MARCHF11: variants seen among roughly 807,000 people sequenced by gnomAD.
MARCHF11 encodes the protein E3 ubiquitin-protein ligase MARCHF11.
MARCHF11 carries 29 observed loss-of-function variants against 37.3 expected under a neutral mutation model. The observed-to-expected ratio is 0.78, with a 90% CI of 0.58 to 1.06. The LOEUF is 1.06. Among genes scored for constraint, MARCHF11 ranks in the 50% least tolerant of loss-of-function variants. The pLI, the probability that MARCHF11 is intolerant of heterozygous loss-of-function variation, is 0.00. For synonymous variants in MARCHF11, 233 were observed against 228.0 expected (o/e 1.02, Z -0.20); for missense variants, 482 against 533.4 (o/e 0.90, Z 0.95).
At chr5:16,099,371 G>C (rs954283305) in intron 2 of MARCHF11, among the ~76,000 whole-genome samples, 4 of 152,056 alleles carry the variant, frequency 2.6e-5, no homozygotes, top group African/African-American at 9.6e-5. Context: ...GGAGAAAAAG[G>C]GTTCCTCAAC....
chr5:16,105,260 G>A (rs180965791), intron 2 of MARCHF11, among the ~76,000 whole-genome samples: 2 of 152,346 alleles, frequency 1.3e-5, no homozygotes, highest in East Asian at 3.9e-4. Flanking sequence ...TCTCTTATGT[G>A]AGATTTGGCA....
At chr5:16,131,310 T>C (rs1737510696) in intron 2 of MARCHF11, among the ~76,000 whole-genome samples, 1 of 152,150 alleles carries the variant, frequency 6.6e-6, no homozygotes, top group South Asian at 2.1e-4. Context: ...TATGGAGAAA[T>C]GGGAGTAGAA....
At chr5:16,090,333 TTTCTC>T (rs1313956372) in intron 3 of MARCHF11, among the ~76,000 whole-genome samples, 1 of 152,200 alleles carries the variant, frequency 6.6e-6, no homozygotes, top group African/African-American at 2.4e-5. Context: ...TTCGATACTT[TTTCTC>T]TTCTAAGTCA....
At chr5:16,121,096 C>T (rs1737302139) in intron 2 of MARCHF11, among the ~76,000 whole-genome samples, 1 of 152,228 alleles carries the variant, frequency 6.6e-6, no homozygotes, top group Non-Finnish European at 1.5e-5. Flanking sequence ...ATATTTTGCA[C>T]TTTGTGCTTG....
intron 2 of MARCHF11, among the ~76,000 whole-genome samples, chr5:16,120,230 T>G (rs1737289482): frequency 6.6e-6 from 1 of 152,230 alleles, no homozygotes; most frequent in Admixed American, 6.5e-5. Context: ...GAACATTGCA[T>G]AATAAAACAA....
Position 16,067,405 on chromosome 5 carries a change from G to C in MARCHF11, c.*66C>G. On this transcript the variant is annotated 3_prime_UTR_variant, in exon 4 of 4. Coordinates refer to ENST00000332432, the MANE Select transcript of MARCHF11 (RefSeq NM_001102562.3). The stretch of plus-strand genomic sequence containing the variant: ...GTGTTTTTAGAAGTGCTATGGTTTT[G>C]CCATTCACTGCAATTACATTGCAAA... 1 of 1,424,026 alleles carries C rather than the reference G, an allele frequency of 7.0e-7. No homozygotes were observed. Among genetic ancestry groups the C allele is most frequent in the South Asian group, 1.3e-5 (1 of 76,680 alleles). 88.2% of individuals were successfully genotyped at this position (1,424,026 alleles called of 1,614,324 possible).
intron 2 of MARCHF11, 51 bp from the exon 3 acceptor site, chr5:16,091,132 A>AG (rs1736785738): frequency 1.7e-6 from 2 of 1,149,736 alleles, no homozygotes; most frequent in Non-Finnish European, 2.2e-6. Flanking sequence ...TAATTAAAAA[A>AG]GAAAAAAAAA....
At chr5:16,110,268 T>C (rs1329829539) in intron 2 of MARCHF11, among the ~76,000 whole-genome samples, 1 of 152,136 alleles carries the variant, frequency 6.6e-6, no homozygotes, top group Admixed American at 6.5e-5. Flanking sequence ...CCCCTTTAAA[T>C]CACAAAAATC....
At chr5:16,153,868 G>A (rs142798677) in intron 2 of MARCHF11, among the ~76,000 whole-genome samples, 4 of 152,054 alleles carry the variant, frequency 2.6e-5, no homozygotes, top group Non-Finnish European at 5.9e-5. Flanking sequence ...GAAATAACCT[G>A]TAGACTTTTC....
intron 2 of MARCHF11, among the ~76,000 whole-genome samples, chr5:16,098,009 A>G (rs1736899612): frequency 6.6e-6 from 1 of 152,216 alleles, no homozygotes; most frequent in Non-Finnish European, 1.5e-5. Flanking sequence ...AGTGAGGTTC[A>G]CCCTAGAAAT....
intron 2 of MARCHF11, among the ~76,000 whole-genome samples, chr5:16,134,477 G>A (rs2126586742): frequency 6.6e-6 from 1 of 152,254 alleles, no homozygotes. Flanking sequence ...CCAGCCTCCA[G>A]AACCATTAGC....
Position 16,179,342 on chromosome 5 carries a change from T to G in MARCHF11, c.234A>C (p.Gly78=). Residue 78 remains glycine (G), a synonymous_variant, in exon 1 of 4, where the codon GGA becomes GGC. Coordinates refer to ENST00000332432, the MANE Select transcript of MARCHF11 (RefSeq NM_001102562.3). ...GGGGCGGAGGCGGCAGCTCGTCCGC[T>G]CCCCTGCACCGCGGGGCCACCTCCC... ...PLGEVAPRCR[G]ADELPPPPLP... The G allele has an allele frequency of 8.4e-7, 1 of 1,192,724 alleles. No individual in the cohort carries two copies. The allele number at this position is 1,192,724 out of a possible 1,614,324, so 73.9% of individuals were successfully genotyped here.
intron 2 of MARCHF11, among the ~76,000 whole-genome samples, chr5:16,174,526 G>A (rs141487447): frequency 4.6e-5 from 7 of 152,336 alleles, no homozygotes; most frequent in African/African-American, 7.2e-5. Context: ...TCACTGCAGC[G>A]TGTTTTCCTC....
At chr5:16,073,662 G>A (rs926718549) in intron 3 of MARCHF11, among the ~76,000 whole-genome samples, 4 of 151,286 alleles carry the variant, frequency 2.6e-5, no homozygotes, top group Middle Eastern at 3.4e-3. Context: ...AAGATAAAAC[G>A]TAAAGATATA....
At chr5:16,158,536 A>G (rs1157075510) in intron 2 of MARCHF11, among the ~76,000 whole-genome samples, 3 of 151,986 alleles carry the variant, frequency 2.0e-5, no homozygotes, top group African/African-American at 4.8e-5. Context: ...TATGGAATCT[A>G]TAAGTCAAAC....
chr5:16,135,877 A>AT (rs144025483), intron 2 of MARCHF11, among the ~76,000 whole-genome samples: 3 of 104,270 alleles, frequency 2.9e-5, no homozygotes, highest in Admixed American at 2.8e-4. Flanking sequence ...AGTGAAAGAG[A>AT]TTTAAAAAAA....
chr5:16,144,771 A>T (rs1737773450), intron 2 of MARCHF11, among the ~76,000 whole-genome samples: 1 of 152,216 alleles, frequency 6.6e-6, no homozygotes, highest in African/African-American at 2.4e-5. Flanking sequence ...ATTAAAAAAT[A>T]ATTTTCAGTT....
At position 16,179,085 on chromosome 5, in the gene MARCHF11, T is replaced by C. The variant is rs2126614740; in HGVS notation, c.491A>G (p.Gln164Arg). The change falls in exon 1 of 4, where the codon CAG becomes CGG. Residue 164 changes from glutamine (Q) to arginine (R), a missense_variant. Transcript: ENST00000332432. ...GGDQRAGHQH[Q>R]HHQPICKICF... ...GATCTTGCAGATGGGCTGGTGGTGC[T>C]GGTGCTGGTGCCCAGCGCGCTGGTC... 2 of 1,496,036 alleles carry C rather than the reference T, an allele frequency of 1.3e-6. No homozygotes were observed. Among genetic ancestry groups the C allele is most frequent in the South Asian group, 2.5e-5 (2 of 81,566 alleles). The allele number at this position is 1,496,036 out of a possible 1,614,324, so 92.7% of individuals were successfully genotyped here. A position where few individuals can be genotyped will look rare whatever the true frequency, so the allele number is the denominator to read the frequency against.
chr5:16,104,712 G>C (rs558306234), intron 2 of MARCHF11, among the ~76,000 whole-genome samples: 267 of 151,434 alleles, frequency 1.8e-3, no homozygotes, highest in African/African-American at 6.1e-3. Context: ...TTTTTTGTTT[G>C]TTTTTGTTTT....
Sources: allele counts gnomAD v4.1 joint callset (sites outside exome capture counted in the v4.1 genomes callset), GRCh38; gene constraint gnomAD v4.1.1; transcripts MANE v1.5; gene names NCBI Gene and HGNC (gene_info 2026-07-23, HGNC 2026-07-21).